Variants in STAT5B observed in about 807,000 individuals in gnomAD.
STAT5B encodes the protein transcription factor STAT5B.
In STAT5B, 21 loss-of-function variants were observed where a neutral mutation model predicts 107.8. That is an observed-to-expected ratio of 0.19 (90% CI 0.14 to 0.28). STAT5B has a LOEUF of 0.28. STAT5B is among the 10% of genes least tolerant of loss of function. STAT5B has a pLI of 1.00. For synonymous variants in STAT5B, 325 were observed against 401.7 expected, an observed-to-expected ratio of 0.81 and a Z score of 2.28; for missense variants, 565 against 1,008.2, an observed-to-expected ratio of 0.56 and a Z score of 5.95.
chr17:42,281,027 C>T (rs566306173), upstream of STAT5B, among the ~76,000 whole-genome samples: 5 of 151,496 alleles, frequency 3.3e-5, no homozygotes, highest in African/African-American at 7.3e-5. Context: ...CCAGCTACTC[C>T]GGAGGCTGAG....
chr17:42,261,611 A>T (rs1272144597), intron 1 of STAT5B, among the ~76,000 whole-genome samples: 4 of 152,014 alleles, frequency 2.6e-5, no homozygotes, highest in Non-Finnish European at 5.9e-5. Flanking sequence ...CCCAGGCTGG[A>T]GTGCAGTGGT....
At chr17:42,243,616 T>C (rs2080424108) in intron 1 of STAT5B, among the ~76,000 whole-genome samples, 1 of 152,150 alleles carries the variant, frequency 6.6e-6, no homozygotes, top group Non-Finnish European at 1.5e-5. Flanking sequence ...GAACACTGGC[T>C]CAACCTAGGT....
intron 16 of STAT5B, among the ~76,000 whole-genome samples, chr17:42,206,553 T>C (rs1198078835): frequency 2.0e-5 from 3 of 152,210 alleles, no homozygotes; most frequent in African/African-American, 4.8e-5. Context: ...AGAGATGTTG[T>C]GTGGTATCTG....
intron 1 of STAT5B, among the ~76,000 whole-genome samples, chr17:42,257,092 T>C (rs1789205645): frequency 6.6e-6 from 1 of 152,152 alleles, no homozygotes; most frequent in African/African-American, 2.4e-5. Context: ...TGAGTAACTA[T>C]TACATGTTGG....
upstream of STAT5B, among the ~76,000 whole-genome samples, chr17:42,277,905 A>AC (rs2080777755): frequency 6.6e-6 from 1 of 151,694 alleles, no homozygotes; most frequent in South Asian, 2.1e-4. Flanking sequence ...ACAGGCGCAC[A>AC]CCACCACATC....
At chr17:42,228,701 G>A (rs996122522) in intron 2 of STAT5B, among the ~76,000 whole-genome samples, 4 of 152,244 alleles carry the variant, frequency 2.6e-5, no homozygotes, top group Non-Finnish European at 4.4e-5. Flanking sequence ...GGAGGCCGAG[G>A]CAGGCGGATT....
chr17:42,231,047 T>C (rs1014093033), intron 2 of STAT5B, among the ~76,000 whole-genome samples: 1 of 152,120 alleles, frequency 6.6e-6, no homozygotes, highest in Non-Finnish European at 1.5e-5. Context: ...TATTAATTTT[T>C]AGTTTTTTGT....
In STAT5B at chr17:42,202,325, A is replaced by G. The variant is rs113762956; in HGVS notation, c.2237+15T>C. 3,574 of 1,614,106 alleles carry G rather than the reference A, an allele frequency of 2.2e-3. 71 individuals are homozygous for G. In the African/African-American group the frequency reaches 0.043, roughly 19 times the overall value. ...CAGTTCCTCCCCTGTGGACCCCCAC[A>G]AGAATGCCACCTACTTCTGTGGGTA... is the stretch of plus-strand genomic sequence containing the variant. On this transcript the variant is annotated intron_variant, in intron 18 of 18. Coordinates refer to ENST00000293328, the MANE Select transcript of STAT5B (RefSeq NM_012448.4).
At position 42,212,109 on chromosome 17, in the gene STAT5B, C is replaced by G. The variant is rs757850017; in HGVS notation, c.1555G>C (p.Val519Leu). The stretch of plus-strand genomic sequence containing the variant: ...TTGGTCAGGCCCCGGTTGCTCTGCA[C>G]TTCGGCCTTGAATTTCATGTTGAGC... ...EALNMKFKAE[V>L]QSNRGLTKEN... Residue 519 changes from valine (V) to leucine (L), a missense_variant, in exon 13 of 19, where the codon GTG becomes CTG. This residue lies in a region of STAT5B where 127 missense variants were observed against 215.8 expected (regional missense o/e 0.59). Coordinates refer to ENST00000293328, the MANE Select transcript of STAT5B (RefSeq NM_012448.4). The G allele has an allele frequency of 6.2e-7, 1 of 1,614,154 alleles. No individual in the cohort carries two copies. The highest frequency in any genetic ancestry group is 8.5e-7 in the Non-Finnish European group (1 of 1,180,014).
At position 42,232,080 on chromosome 17, in the gene STAT5B, A is replaced by C; in HGVS notation, c.48T>G (p.His16Gln). 1 of 1,613,974 alleles carries C rather than the reference A, an allele frequency of 6.2e-7. No homozygotes were observed. The highest frequency in any genetic ancestry group is 8.5e-7 in the Non-Finnish European group (1 of 1,179,960). ...GCTGGCCATATAACGCTTGCATCTGATGAAGGGCTTCTCCTTGGAGCTGCT... is the reference window on the plus strand; with the variant it reads ...GCTGGCCATATAACGCTTGCATCTGCTGAAGGGCTTCTCCTTGGAGCTGCT... ...QAQQLQGEAL[H>Q]QMQALYGQHF... The change falls in exon 2 of 19, where the codon CAT becomes CAG. Residue 16 changes from histidine to glutamine, a missense_variant. His to Gln is a conservative substitution (Grantham distance 24). This residue lies in a region of STAT5B where 83 missense variants were observed against 145.1 expected (regional missense o/e 0.57). Transcript: ENST00000293328.
intron 1 of STAT5B, among the ~76,000 whole-genome samples, chr17:42,266,103 T>C (rs930316314): frequency 6.6e-6 from 1 of 152,148 alleles, no homozygotes; most frequent in Admixed American, 6.5e-5. Context: ...AAAAGACATA[T>C]GTGTATCTAT....
At position 42,202,434 on chromosome 17, in the gene STAT5B, A is replaced by G; in HGVS notation, c.2143T>C (p.Ser715Pro). The G allele has an allele frequency of 6.2e-7, 1 of 1,614,166 alleles. No individual in the cohort carries two copies. The highest frequency in any genetic ancestry group is 8.5e-7 in the Non-Finnish European group (1 of 1,180,014). Residue 715 changes from serine (S) to proline (P), a missense_variant, in exon 18 of 19, where the codon TCT becomes CCT. Physicochemically the swap from Ser to Pro is moderately conservative, Grantham distance 74. Transcript: ENST00000293328. ...KQVVPEFVNASADAGGGSATY... is the reference protein window; with the variant it reads ...KQVVPEFVNAPADAGGGSATY... ...GCGCTGCCGCCCCCGGCATCTGCAG[A>G]TGCGTTCACAAACCTGCAGAAGGAA...
chr17:42,249,978 AAG>A (rs1482410884), intron 1 of STAT5B, among the ~76,000 whole-genome samples: 2 of 152,122 alleles, frequency 1.3e-5, no homozygotes, highest in Admixed American at 1.3e-4. Flanking sequence ...TCTTTAAATT[AAG>A]AGAGTGTTAA....
intron 15 of STAT5B, among the ~76,000 whole-genome samples, 199 bp from the exon 16 acceptor site, chr17:42,207,927 ACT>A (rs2080099369): frequency 6.6e-6 from 1 of 152,086 alleles, no homozygotes; most frequent in South Asian, 2.1e-4. Context: ...ACGGAGTCTC[ACT>A]CTGTTACCAG....
Position 42,207,548 on chromosome 17 carries a change from A to G in STAT5B, c.2077+10T>C. The G allele has an allele frequency of 6.2e-7, 1 of 1,613,776 alleles. No homozygotes were observed. The highest frequency in any genetic ancestry group is 8.5e-7 in the Non-Finnish European group (1 of 1,179,878). ...ACAACAAAATCAAATCAGAATGCGAACATTGTTACCAGTAGCAGACTCGCA... is the reference window on the plus strand; with the variant it reads ...ACAACAAAATCAAATCAGAATGCGAGCATTGTTACCAGTAGCAGACTCGCA... On this transcript the variant is annotated intron_variant, in intron 16 of 18. Transcript: ENST00000293328.
intron 1 of STAT5B, among the ~76,000 whole-genome samples, chr17:42,260,100 T>C (rs914235947): frequency 5.9e-5 from 9 of 152,230 alleles, no homozygotes; most frequent in Non-Finnish European, 1.2e-4. Flanking sequence ...GCACTTGAAA[T>C]GTAGCTAGTG....
chr17:42,277,760 T>C (rs1480509397), upstream of STAT5B, among the ~76,000 whole-genome samples: 1 of 133,756 alleles, frequency 7.5e-6, no homozygotes, highest in Non-Finnish European at 1.5e-5. Context: ...TTTCTTTTCT[T>C]TTTTTTTTTT....
intron 12 of STAT5B, among the ~76,000 whole-genome samples, chr17:42,215,687 C>T (rs1050835759): frequency 1.3e-5 from 2 of 152,028 alleles, no homozygotes; most frequent in East Asian, 1.9e-4. Flanking sequence ...GGTGCGATCT[C>T]GGCTCACTGC....
At chr17:42,275,649 G>C (rs1255762514) in intron 1 of STAT5B, 1 of 152,056 alleles carries the variant, frequency 6.6e-6, no homozygotes, top group Non-Finnish European at 1.5e-5. Flanking sequence ...ACGGCCACAC[G>C]CACGAGCCCA....
Sources: allele counts gnomAD v4.1 joint callset (sites outside exome capture counted in the v4.1 genomes callset), GRCh38; gene constraint gnomAD v4.1.1; regional missense constraint gnomAD v4.1.1; transcripts MANE v1.5; gene names NCBI Gene and HGNC (gene_info 2026-07-23, HGNC 2026-07-21).